The following MACC1 variants were observed in gnomAD, a reference collection of about 807,000 sequenced individuals.
MACC1 encodes the protein metastasis-associated in colon cancer protein 1.
MACC1 carries 79 observed loss-of-function variants against 70.7 expected under a neutral mutation model. The observed-to-expected ratio is 1.12, with a 90% confidence interval of 0.93 to 1.35. MACC1 has a LOEUF of 1.35. Among genes scored for constraint, MACC1 ranks in the 40% most tolerant of loss-of-function variants. The pLI is 0.00. For synonymous variants in MACC1, 361 were observed against 347.2 expected, an observed-to-expected ratio of 1.04 and a Z score of -0.44; for missense variants, 1,106 against 978.1, an observed-to-expected ratio of 1.13 and a Z score of -1.74.
At chr7:20,201,682 A>G (rs1315068016) in intron 1 of MACC1, among the ~76,000 whole-genome samples, 1 of 152,244 alleles carries the variant, frequency 6.6e-6, no homozygotes, top group Non-Finnish European at 1.5e-5. Context: ...GAGCAAGGGC[A>G]GTGGCCTGAA....
At position 20,187,213 on chromosome 7, in the gene MACC1, T is replaced by C. The variant is rs185212483; in HGVS notation, c.-217-16435A>G. 1.4e-4 allele frequency among the ~76,000 whole-genome samples: 21 copies of C among 152,316 alleles called. No individual in the cohort carries two copies. In the South Asian group the frequency reaches 2.3e-3, roughly 17 times the overall value. ...TCTAATTTTTAATGAGCATACATTA[T>C]TTCATATTAAGATATTATTTTACAT... On this transcript the variant is annotated intron_variant, in intron 1 of 6. Transcript: ENST00000400331.
In MACC1 at chr7:20,140,818, CACACACAG is replaced by C. The variant is rs1261170327; in HGVS notation, c.*120_*127del. 5.3e-6 allele frequency: 3 copies of C among 561,028 alleles called. No individual in the cohort carries two copies. The highest frequency in any genetic ancestry group is 8.7e-6 in the Non-Finnish European group (3 of 345,304). 34.8% of individuals were successfully genotyped at this position (561,028 alleles called of 1,614,324 possible). A position where few individuals can be genotyped will look rare whatever the true frequency, so the allele number is the denominator to read the frequency against. On this transcript the variant is annotated 3_prime_UTR_variant, in exon 7 of 7. Transcript: ENST00000400331. ...TTTCTTTCCTACACACACACACACA[CACACACAG>C]ACACACACACACAGACACACACACA... is the stretch of plus-strand genomic sequence containing the variant.
In MACC1 at chr7:20,139,925, C is replaced by T. The variant is rs989488951; in HGVS notation, c.*1021G>A. 6.6e-6 allele frequency: 1 copy of T among 151,944 alleles called. No individual in the cohort carries two copies. Among genetic ancestry groups the T allele is most frequent in the African/African-American group, 2.4e-5 (1 of 41,366 alleles). The allele number at this position is 151,944 out of a possible 1,614,324, so 9.4% of individuals were successfully genotyped here. ...GTTTTCGGTGGTTAAGACCTCTCTA[C>T]TCAACAGGGTAATCAAGTTAATCAA... is the stretch of plus-strand genomic sequence containing the variant. On this transcript the variant is annotated 3_prime_UTR_variant, in exon 7 of 7. Transcript: ENST00000400331.
chr7:20,166,035 A>G (rs1467207100), intron 2 of MACC1, among the ~76,000 whole-genome samples: 1 of 152,242 alleles, frequency 6.6e-6, no homozygotes, highest in African/African-American at 2.4e-5. Context: ...AATACACTTA[A>G]AAGAATTATT....
intron 1 of MACC1, among the ~76,000 whole-genome samples, chr7:20,173,532 C>A (rs1423637744): frequency 6.6e-6 from 1 of 152,198 alleles, no homozygotes; most frequent in African/African-American, 2.4e-5. Flanking sequence ...AGTGACACTT[C>A]TGGATAGTAA....
chr7:20,188,812 C>T (rs189983344), intron 1 of MACC1, among the ~76,000 whole-genome samples: 1 of 152,182 alleles, frequency 6.6e-6, no homozygotes, highest in Non-Finnish European at 1.5e-5. Flanking sequence ...ATCACTGTCT[C>T]CTCCTTAAAA....
At chr7:20,175,701 A>C (rs1321238543) in intron 1 of MACC1, among the ~76,000 whole-genome samples, 1 of 152,116 alleles carries the variant, frequency 6.6e-6, no homozygotes, top group Non-Finnish European at 1.5e-5. Context: ...CACAGTGTTT[A>C]ATCTTGAAAG....
At chr7:20,141,683 A>G (rs1399691478) in intron 6 of MACC1, among the ~76,000 whole-genome samples, 1 of 152,206 alleles carries the variant, frequency 6.6e-6, no homozygotes, top group Non-Finnish European at 1.5e-5. Flanking sequence ...CAAAAATATA[A>G]TTCTCTAATT....
intron 6 of MACC1, among the ~76,000 whole-genome samples, chr7:20,148,990 G>A (rs1781935500): frequency 6.6e-6 from 1 of 152,188 alleles, no homozygotes. Flanking sequence ...ACCAGGCCCT[G>A]ATACAGACCT....
chr7:20,154,048 G>C, intron 6 of MACC1, 145 bp downstream of exon 6: 1 of 732,252 alleles, frequency 1.4e-6, no homozygotes. Flanking sequence ...AGATAGTACT[G>C]ATGAGTTACT....
chr7:20,215,651 G>A (rs529733205), intron 1 of MACC1, among the ~76,000 whole-genome samples: 1 of 152,166 alleles, frequency 6.6e-6, no homozygotes, highest in African/African-American at 2.4e-5. Flanking sequence ...TGCCATAAGG[G>A]ATGTTTAGTC....
chr7:20,156,351 A>G (rs1782054804), intron 5 of MACC1, among the ~76,000 whole-genome samples: 1 of 152,194 alleles, frequency 6.6e-6, no homozygotes, highest in Admixed American at 6.5e-5. Flanking sequence ...AGTCTCTACT[A>G]GATTTTCTAA....
chr7:20,195,441 T>C (rs1782736262), intron 1 of MACC1, among the ~76,000 whole-genome samples: 1 of 152,186 alleles, frequency 6.6e-6, no homozygotes, highest in African/African-American at 2.4e-5. Flanking sequence ...TTAAGTTGAA[T>C]AAATTAAAGT....
chr7:20,159,803 G>A lies in MACC1; in HGVS notation c.558C>T (p.Arg186=), dbSNP rs771081283. 2.8e-5 allele frequency: 45 copies of A among 1,613,970 alleles called. No homozygotes were observed. Among genetic ancestry groups the A allele is most frequent in the Non-Finnish European group, 3.4e-5 (40 of 1,180,036 alleles). Residue 186 remains arginine, a synonymous_variant, in exon 5 of 7, where the codon CGC becomes CGT. Coordinates refer to ENST00000400331, the MANE Select transcript of MACC1 (RefSeq NM_182762.4). The stretch of plus-strand genomic sequence containing the variant: ...AATCAAGGCAGGAGCGGGCCAGCTG[G>A]CGTTGACTTAACCAAGCCATTTTAT... ...EAYKMAWLSQ[R]QLARSCLDLN...
At chr7:20,141,594 T>A (rs1323636970) in intron 6 of MACC1, among the ~76,000 whole-genome samples, 1 of 152,106 alleles carries the variant, frequency 6.6e-6, no homozygotes, top group African/African-American at 2.4e-5. Context: ...AATAGTATAT[T>A]TAACATTTTA....
At chr7:20,203,473 C>T (rs764181971) in intron 1 of MACC1, among the ~76,000 whole-genome samples, 3 of 152,130 alleles carry the variant, frequency 2.0e-5, no homozygotes, top group South Asian at 2.1e-4. Flanking sequence ...AAGCTTTCAA[C>T]GGCTAAACCT....
chr7:20,201,753 C>T (rs1010573475), intron 1 of MACC1, among the ~76,000 whole-genome samples: 9 of 150,982 alleles, frequency 6.0e-5, no homozygotes, highest in African/African-American at 2.2e-4. Context: ...CCCTTGTTTT[C>T]GACTCCTAAA....
rs1487713815 is a variant in MACC1, at chr7:20,199,730, CAG to C, written c.-218+17567_-218+17568del. On this transcript the variant is annotated intron_variant, in intron 1 of 6. Coordinates refer to ENST00000400331, the MANE Select transcript of MACC1 (RefSeq NM_182762.4). ...ACTCACAGAGGTGAGTCAAAGAGTA[CAG>C]AGTCATTCAAAAATGTTGATGAAGA... Among the ~76,000 whole-genome samples the C allele has an allele frequency of 5.9e-5, 9 of 152,286 alleles. No individual in the cohort carries two copies. In the South Asian group the frequency reaches 8.3e-4, roughly 14 times the overall value.
chr7:20,180,735 T>A (rs1046633490), intron 1 of MACC1, among the ~76,000 whole-genome samples: 105 of 152,158 alleles, frequency 6.9e-4, no homozygotes, highest in African/African-American at 2.5e-3. Context: ...TAATCCCAGT[T>A]ACTCAGGAGG....
Sources: allele counts gnomAD v4.1 joint callset (sites outside exome capture counted in the v4.1 genomes callset), GRCh38; gene constraint gnomAD v4.1.1; transcripts MANE v1.5; gene names NCBI Gene and HGNC (gene_info 2026-07-23, HGNC 2026-07-21).